IFNLR1: variants seen among roughly 807,000 people sequenced by gnomAD.
IFNLR1 encodes the protein CRF2-12.
IFNLR1 carries 28 observed loss-of-function variants against 52.5 expected under a neutral mutation model. The ratio of observed to expected loss-of-function variants is 0.53; its 90% CI spans 0.40 to 0.73. The LOEUF (loss-of-function observed/expected upper bound fraction) is 0.73, where lower values mean the gene tolerates loss of function less well. Among genes scored for constraint, IFNLR1 ranks in the 30% least tolerant of loss-of-function variants. The probability of loss-of-function intolerance (pLI) is 0.00; values close to 1 mark genes in which losing one functional copy is unlikely to be tolerated. For missense variants in IFNLR1, 623 were observed against 659.1 expected (o/e 0.95, Z 0.60); for synonymous variants, 276 against 274.9 (o/e 1.00, Z -0.04).
At chr1:24,161,388 A>T in intron 4 of IFNLR1, 154 bp downstream of exon 4, 1 of 794,530 alleles carries the variant, frequency 1.3e-6, no homozygotes, top group Non-Finnish European at 2.0e-6. Context: ...TACTTTGATC[A>T]GATTTTATTA....
At chr1:24,164,952 G>A (rs1644503949) in intron 3 of IFNLR1, among the ~76,000 whole-genome samples, 1 of 151,976 alleles carries the variant, frequency 6.6e-6, no homozygotes, top group Non-Finnish European at 1.5e-5. Context: ...TAGTAGAGAC[G>A]GAGTTTCCCC....
At chr1:24,185,752 G>A (rs1644731271) in intron 1 of IFNLR1, among the ~76,000 whole-genome samples, 1 of 152,192 alleles carries the variant, frequency 6.6e-6, no homozygotes, top group South Asian at 2.1e-4. Flanking sequence ...CCAGATTCGA[G>A]CTAGGTCACA....
rs35747193 is a variant in IFNLR1 at position 24,155,216 on chromosome 1, ATG to A, written c.*1912_*1913del. The A allele has an allele frequency of 0.85, 128,512 of 151,820 alleles. 54,812 individuals are homozygous for A. Among genetic ancestry groups the A allele is most frequent in the East Asian group, 0.99 (5,101 of 5,132 alleles). 9.4% of individuals were successfully genotyped at this position (151,820 alleles called of 1,614,324 possible). A position where few individuals can be genotyped will look rare whatever the true frequency, so the allele number is the denominator to read the frequency against. On this transcript the variant is annotated 3_prime_UTR_variant, in exon 7 of 7. Coordinates refer to ENST00000327535, the MANE Select transcript of IFNLR1 (RefSeq NM_170743.4). ...AGGTGTGTGTCGTATGTGTGTATGC[ATG>A]TGTGTGTGTGTGCCCCAGCAGCGGT...
At chr1:24,175,990 G>A (rs2148599715) in intron 2 of IFNLR1, among the ~76,000 whole-genome samples, 1 of 151,170 alleles carries the variant, frequency 6.6e-6, no homozygotes, top group African/African-American at 2.4e-5. Context: ...AATGTATTTT[G>A]CATATGAAAA....
Position 24,157,807 on chromosome 1 carries a change from T to A in IFNLR1, c.886A>T (p.Lys296Ter). 6.2e-7 allele frequency: 1 copy of A among 1,614,030 alleles called. No individual in the cohort carries two copies. Among genetic ancestry groups the A allele is most frequent in the Non-Finnish European group, 8.5e-7 (1 of 1,179,962 alleles). Residue 296 changes from lysine to a stop codon, truncating the protein, a stop_gained, in exon 7 of 7, where the codon AAG becomes TAG. Transcript: ENST00000327535. LOFTEE classifies it high-confidence loss of function. The surrounding 1 kb of genome is among the most constrained non-coding windows in gnomAD (Gnocchi z 5.1). ...SVNDLFLCPQ[K>*]ELTRGVRPTP... is the part of the protein sequence containing the mutation. ...GGCCTGACCCCTCTGGTCAGTTCCTTTTGGGGACAGAGGAACAAGTCATTC... is the reference window on the plus strand; with the variant it reads ...GGCCTGACCCCTCTGGTCAGTTCCTATTGGGGACAGAGGAACAAGTCATTC...
At chr1:24,172,019 G>A (rs1336925581) in intron 2 of IFNLR1, among the ~76,000 whole-genome samples, 2 of 151,174 alleles carry the variant, frequency 1.3e-5, no homozygotes, top group African/African-American at 2.4e-5. Context: ...TGCCTAGGCC[G>A]GTCTCAAACT....
At chr1:24,177,795 G>A (rs1372657324) in intron 2 of IFNLR1, among the ~76,000 whole-genome samples, 2 of 152,192 alleles carry the variant, frequency 1.3e-5, no homozygotes, top group African/African-American at 4.8e-5. Context: ...AGGCAAGTAT[G>A]TATGTTTTGG....
At chr1:24,163,598 A>G (rs1002584420) in intron 3 of IFNLR1, among the ~76,000 whole-genome samples, 1 of 119,154 alleles carries the variant, frequency 8.4e-6, no homozygotes, top group African/African-American at 3.3e-5. Context: ...TTTTTTTTTT[A>G]GATGGAGTTT....
intron 2 of IFNLR1, among the ~76,000 whole-genome samples, chr1:24,172,895 T>C (rs991773352): frequency 7.2e-5 from 11 of 152,116 alleles, no homozygotes; most frequent in African/African-American, 2.4e-4. Context: ...AAGGCCGTTC[T>C]TCTGTGTGCA....
chr1:24,177,623 A>G (rs951438312), intron 2 of IFNLR1, among the ~76,000 whole-genome samples: 27 of 152,198 alleles, frequency 1.8e-4, no homozygotes, highest in Admixed American at 9.2e-4. Context: ...TTCCATTCCC[A>G]GTCCACTGAC....
intron 2 of IFNLR1, among the ~76,000 whole-genome samples, chr1:24,176,561 G>A (rs58284694): frequency 0.097 from 14,805 of 152,200 alleles, 1,997 homozygotes; most frequent in African/African-American, 0.3. Context: ...AGAAATGTGC[G>A]CTCTTAGCTA....
chr1:24,169,665 G>T (rs1232808590), intron 2 of IFNLR1, 64 bp from the exon 3 acceptor site: 5 of 1,508,140 alleles, frequency 3.3e-6, no homozygotes, highest in Non-Finnish European at 4.5e-6. Flanking sequence ...GGAACTTAGA[G>T]AACAGTTGAT....
At chr1:24,167,324 TGGG>T (rs1644530299) in intron 3 of IFNLR1, among the ~76,000 whole-genome samples, 1 of 152,176 alleles carries the variant, frequency 6.6e-6, no homozygotes, top group Non-Finnish European at 1.5e-5. Flanking sequence ...GACTGCATGC[TGGG>T]GGACATTTTT....
At chr1:24,181,371 C>T (rs760063468) in intron 1 of IFNLR1, among the ~76,000 whole-genome samples, 116 of 152,198 alleles carry the variant, frequency 7.6e-4, no homozygotes, top group Non-Finnish European at 1.1e-3. Flanking sequence ...ATGGTCCAAG[C>T]CAGTGGCCAG....
At chr1:24,169,379 G>A in intron 3 of IFNLR1, 38 bp downstream of exon 3, 1 of 1,573,578 alleles carries the variant, frequency 6.4e-7, no homozygotes, top group Non-Finnish European at 8.7e-7. Context: ...CCGATGGGAT[G>A]GACAGCCTTC....
rs758054260 is a variant in IFNLR1 at position 24,159,467 on chromosome 1, T to A, written c.670+7A>T. On this transcript the variant is annotated splice_region_variant and intron_variant, in intron 5 of 6. Transcript: ENST00000327535. ...AAGTTTCTCTTTCTGCACCACTTGA[T>A]ACCCACCTGGGACCTCCAGCAAGAA... is the stretch of plus-strand genomic sequence containing the variant. The A allele has an allele frequency of 7.4e-6, 12 of 1,613,638 alleles. No individual in the cohort carries two copies.
At chr1:24,173,960 T>C (rs901095642) in intron 2 of IFNLR1, among the ~76,000 whole-genome samples, 2 of 152,286 alleles carry the variant, frequency 1.3e-5, no homozygotes, top group South Asian at 4.1e-4. Flanking sequence ...ATAGCCCTAT[T>C]ATGGACGAAT....
At chr1:24,182,198 C>G (rs933371037) in intron 1 of IFNLR1, among the ~76,000 whole-genome samples, 3 of 68,076 alleles carry the variant, frequency 4.4e-5, no homozygotes, top group Non-Finnish European at 7.5e-5. Context: ...AGACTCCATT[C>G]CAAAAAAAAA....
Position 24,156,269 on chromosome 1 carries a change from C to T in IFNLR1, c.*861G>A, listed in dbSNP as rs966318109. 2.0e-5 allele frequency: 3 copies of T among 152,240 alleles called. No homozygotes were observed. The highest frequency in any genetic ancestry group is 4.4e-5 in the Non-Finnish European group (3 of 68,118). The allele number at this position is 152,240 out of a possible 1,614,324, so 9.4% of individuals were successfully genotyped here. A position where few individuals can be genotyped will look rare whatever the true frequency, so the allele number is the denominator to read the frequency against. Reference sequence around the variant, plus strand: ...AGACAAGCTGAATGTTAAGTGCTCTCAGTCACTCTGGGTTTAGGGGCCACA... The same window carrying T: ...AGACAAGCTGAATGTTAAGTGCTCTTAGTCACTCTGGGTTTAGGGGCCACA... On this transcript the variant is annotated 3_prime_UTR_variant, in exon 7 of 7. Transcript: ENST00000327535.
Sources: allele counts gnomAD v4.1 joint callset (sites outside exome capture counted in the v4.1 genomes callset), GRCh38; gene constraint gnomAD v4.1.1; non-coding constraint Gnocchi (gnomAD v3.1); transcripts MANE v1.5; gene names NCBI Gene and HGNC (gene_info 2026-07-23, HGNC 2026-07-21).